The following SLCO6A1 variants were observed in gnomAD, a reference collection of about 807,000 sequenced individuals.
SLCO6A1 encodes solute carrier organic anion transporter family member 6A1.
Under a neutral mutation model 72.7 loss-of-function variants are expected in SLCO6A1, and 65 were observed. That is an observed-to-expected ratio of 0.89 (90% CI 0.73 to 1.10). The LOEUF (loss-of-function observed/expected upper bound fraction) is 1.10. SLCO6A1 is among the 50% of genes least tolerant of loss of function. SLCO6A1 has a pLI of 0.00. For missense variants in SLCO6A1, 874 were observed against 872.6 expected (o/e 1.00, Z -0.02); for synonymous variants, 314 against 298.2 (o/e 1.05, Z -0.55).
chr5:102,414,648 C>T (rs1285604910), intron 8 of SLCO6A1, among the ~76,000 whole-genome samples: 1 of 152,142 alleles, frequency 6.6e-6, no homozygotes, highest in Non-Finnish European at 1.5e-5. Context: ...AATGCTAGCA[C>T]TTTGGGAGGT....
At chr5:102,377,542 A>G (rs1335710813) in intron 12 of SLCO6A1, among the ~76,000 whole-genome samples, 2 of 152,250 alleles carry the variant, frequency 1.3e-5, no homozygotes, top group African/African-American at 4.8e-5. Flanking sequence ...AGGGTACTCA[A>G]TTATCAAAAG....
At chr5:102,439,693 T>C (rs1018339100) in intron 6 of SLCO6A1, among the ~76,000 whole-genome samples, 5 of 152,150 alleles carry the variant, frequency 3.3e-5, no homozygotes, top group Admixed American at 6.6e-5. Flanking sequence ...TAAGGTCCAG[T>C]GATAGAGTGT....
chr5:102,428,303 T>G (rs893045079), intron 7 of SLCO6A1, among the ~76,000 whole-genome samples: 3 of 151,758 alleles, frequency 2.0e-5, no homozygotes, highest in Non-Finnish European at 4.4e-5. Context: ...ACAATACAAG[T>G]AATACCAGAA....
chr5:102,449,890 C>G (rs558899368), intron 6 of SLCO6A1, among the ~76,000 whole-genome samples: 1 of 152,184 alleles, frequency 6.6e-6, no homozygotes, highest in East Asian at 1.9e-4. Flanking sequence ...TAATTCAAAC[C>G]ACTGGTCTTC....
intron 4 of SLCO6A1, among the ~76,000 whole-genome samples, chr5:102,465,191 G>C (rs1751248917): frequency 6.6e-6 from 1 of 152,080 alleles, no homozygotes; most frequent in South Asian, 2.1e-4. Flanking sequence ...TATAACAAAT[G>C]ATTAACTTTG....
intron 2 of SLCO6A1, 34 bp from the exon 3 acceptor site, chr5:102,477,895 T>C (rs1274853682): frequency 1.3e-6 from 2 of 1,549,068 alleles, no homozygotes; most frequent in African/African-American, 1.4e-5. Context: ...TTTTTGTTAA[T>C]TGAACTCAAA....
At chr5:102,473,722 T>C (rs1751747499) in intron 4 of SLCO6A1, among the ~76,000 whole-genome samples, 1 of 151,896 alleles carries the variant, frequency 6.6e-6, no homozygotes, top group Non-Finnish European at 1.5e-5. Flanking sequence ...ACCCTAAGGA[T>C]CATACATACT....
At chr5:102,396,903 C>T (rs1451157536) in intron 10 of SLCO6A1, among the ~76,000 whole-genome samples, 1 of 152,108 alleles carries the variant, frequency 6.6e-6, no homozygotes, top group Non-Finnish European at 1.5e-5. Flanking sequence ...CTCTCTTTCT[C>T]CTCTTACAGA....
At chr5:102,382,115 T>C (rs1015425973) in intron 12 of SLCO6A1, among the ~76,000 whole-genome samples, 1 of 151,878 alleles carries the variant, frequency 6.6e-6, no homozygotes, top group African/African-American at 2.4e-5. Context: ...TTGTTGCCTA[T>C]GCTTTTTACA....
intron 1 of SLCO6A1, among the ~76,000 whole-genome samples, chr5:102,486,547 AG>A (rs1354196480): frequency 6.6e-6 from 1 of 152,184 alleles, no homozygotes; most frequent in African/African-American, 2.4e-5. Flanking sequence ...AATGAAAAAA[AG>A]TCCAACATTT....
intron 1 of SLCO6A1, among the ~76,000 whole-genome samples, chr5:102,491,843 G>A (rs958608217): frequency 2.0e-5 from 3 of 152,270 alleles, no homozygotes; most frequent in Non-Finnish European, 4.4e-5. Context: ...CAGAGTGGGC[G>A]CCAAGGCGGA....
intron 9 of SLCO6A1, among the ~76,000 whole-genome samples, chr5:102,407,616 T>C (rs1309579555): frequency 1.3e-5 from 2 of 152,190 alleles, no homozygotes; most frequent in Non-Finnish European, 2.9e-5. Flanking sequence ...CCTCATCTAA[T>C]TAGGTGAGCC....
intron 4 of SLCO6A1, among the ~76,000 whole-genome samples, chr5:102,464,046 G>A (rs1045571542): frequency 3.9e-5 from 6 of 152,078 alleles, no homozygotes; most frequent in African/African-American, 1.4e-4. Context: ...GCAGGGAAGG[G>A]TAGGATGGGG....
intron 2 of SLCO6A1, among the ~76,000 whole-genome samples, chr5:102,478,471 A>C (rs1752025636): frequency 6.6e-6 from 1 of 152,190 alleles, no homozygotes; most frequent in African/African-American, 2.4e-5. Flanking sequence ...ACTCTGATTA[A>C]ATAATTTCCC....
chr5:102,388,473 G>A (rs1746540104), intron 12 of SLCO6A1, among the ~76,000 whole-genome samples: 1 of 151,954 alleles, frequency 6.6e-6, no homozygotes, highest in Non-Finnish European at 1.5e-5. Context: ...GAATAGCTGG[G>A]ACTACAAGTA....
chr5:102,403,444 T>C (rs1263075920), intron 9 of SLCO6A1, among the ~76,000 whole-genome samples: 1 of 152,188 alleles, frequency 6.6e-6, no homozygotes, highest in African/African-American at 2.4e-5. Context: ...TCCCCAAAGA[T>C]GGATATTATC....
At chr5:102,395,877 T>C (rs1183127568) in intron 10 of SLCO6A1, among the ~76,000 whole-genome samples, 6 of 152,308 alleles carry the variant, frequency 3.9e-5, no homozygotes, top group South Asian at 2.1e-4. Context: ...CACCCACTTT[T>C]TGATGGGGTT....
intron 9 of SLCO6A1, among the ~76,000 whole-genome samples, chr5:102,407,540 T>C (rs1747737301): frequency 6.6e-6 from 1 of 152,192 alleles, no homozygotes; most frequent in African/African-American, 2.4e-5. Flanking sequence ...CCTGCATCAA[T>C]CAGTTTTACT....
chr5:102,431,719 G>A lies in SLCO6A1; in HGVS notation c.1276+6898C>T, dbSNP rs1043641668. ...GAATGTATATTCTGTTGTTTTTTTGGTGAAGAGGTCTGTTGATGCCTCTCA... is the reference window on the plus strand; with the variant it reads ...GAATGTATATTCTGTTGTTTTTTTGATGAAGAGGTCTGTTGATGCCTCTCA... On this transcript the variant is annotated intron_variant, in intron 7 of 13. Coordinates refer to ENST00000506729, the MANE Select transcript of SLCO6A1 (RefSeq NM_173488.5). 4.6e-5 allele frequency among the ~76,000 whole-genome samples: 7 copies of A among 152,050 alleles called. No homozygotes were observed. The South Asian group carries it at 1.4e-3, about 31-fold the overall frequency.
Sources: gnomAD v4.1 joint callset for allele counts (sites outside exome capture counted in the v4.1 genomes callset) on GRCh38, gnomAD v4.1.1 for gene constraint, MANE v1.5 for transcripts, NCBI Gene and HGNC (gene_info 2026-07-23, HGNC 2026-07-21) for gene names.